The following PCDHGA2 variants were observed in gnomAD, a reference collection of about 807,000 sequenced individuals.
The protein encoded by PCDHGA2 is protocadherin gamma subfamily A, 2.
In PCDHGA2, 40 loss-of-function variants were observed where a neutral mutation model predicts 59.2. The observed-to-expected ratio is 0.68, with a 90% CI of 0.52 to 0.88. The LOEUF (loss-of-function observed/expected upper bound fraction) is 0.88, where lower values mean the gene tolerates loss of function less well. PCDHGA2 is among the 40% of genes least tolerant of loss of function. The probability of loss-of-function intolerance (pLI) is 0.00; values close to 1 mark genes in which losing one functional copy is unlikely to be tolerated. For missense variants in PCDHGA2, 1,226 were observed against 1,204.0 expected, an observed-to-expected ratio of 1.02 and a Z score of -0.27; for synonymous variants, 560 against 526.0, an observed-to-expected ratio of 1.06 and a Z score of -0.89.
chr5:141,481,835 C>T (rs892868552), intron 1 of PCDHGA2, among the ~76,000 whole-genome samples: 5 of 149,932 alleles, frequency 3.3e-5, no homozygotes, highest in Non-Finnish European at 7.4e-5. Flanking sequence ...GCAGGAGAAT[C>T]GCTTGATGGT....
At position 141,339,015 on chromosome 5, in the gene PCDHGA2, T is replaced by C. The variant is rs748669005; in HGVS notation, c.44T>C (p.Leu15Pro). The change falls in exon 1 of 4, where the codon CTG becomes CCG. Residue 15 changes from leucine to proline, a missense_variant. By Grantham distance (98) the Leu-to-Pro change is moderately conservative. Transcript: ENST00000394576. ...QKLPHCRKLV[L>P]LCFLLATLWE... ...TTGCCACACTGCAGAAAGCTGGTCC[T>C]GCTGTGCTTCCTTTTGGCGACCCTG... 5 of 1,586,498 alleles carry C rather than the reference T, an allele frequency of 3.2e-6. No individual in the cohort carries two copies. Among genetic ancestry groups the C allele is most frequent in the East Asian group, 2.3e-5 (1 of 44,360 alleles).
chr5:141,352,242 C>T (rs1428205327), intron 1 of PCDHGA2: 1 of 1,614,092 alleles, frequency 6.2e-7, no homozygotes, highest in Admixed American at 1.7e-5. Flanking sequence ...CTAATCTTCG[C>T]GGATAGCCTG....
At chr5:141,393,970 C>T (rs746781669) in intron 1 of PCDHGA2, 5 of 1,613,870 alleles carry the variant, frequency 3.1e-6, no homozygotes, top group Middle Eastern at 3.3e-4. Flanking sequence ...GTCTGTTACA[C>T]ACGTGATAAT....
At position 141,438,591 on chromosome 5, in the gene PCDHGA2, CATATATATATATAT is replaced by C. The variant is rs946798767; in HGVS notation, c.2425-56184_2425-56171del. Among the ~76,000 whole-genome samples the C allele has an allele frequency of 7.9e-5, 6 of 75,562 alleles. No individual in the cohort carries two copies. The East Asian group carries it at 1.7e-3, about 22-fold the overall frequency. 49.6% of individuals were successfully genotyped at this position (75,562 alleles called of 152,430 possible). On this transcript the variant is annotated intron_variant, in intron 1 of 3. Transcript: ENST00000394576. ...TCTGATATACATACATACATACATA[CATATATATATATAT>C]ATATATATATATATATATATATATA...
intron 1 of PCDHGA2, chr5:141,421,230 G>T: frequency 6.3e-7 from 1 of 1,590,132 alleles, no homozygotes. Context: ...AGCCTGCCAT[G>T]GCGAATCGGC....
At chr5:141,348,930 T>A (rs945708240) in intron 1 of PCDHGA2, among the ~76,000 whole-genome samples, 1 of 152,238 alleles carries the variant, frequency 6.6e-6, no homozygotes, top group Non-Finnish European at 1.5e-5. Context: ...GAACCAAGAC[T>A]GGTTCTAAGC....
rs556498014 is a variant in PCDHGA2, at chr5:141,368,537, TC to T, written c.2424+27144del. On this transcript the variant is annotated intron_variant, in intron 1 of 3. Coordinates refer to ENST00000394576, the MANE Select transcript of PCDHGA2 (RefSeq NM_018915.4). ...TCACTCCTATGTGAAAACTTGCTTT[TC>T]CATTTTTTTTAAAAGAAAATGTTAT... Among the ~76,000 whole-genome samples the T allele has an allele frequency of 2.0e-3, 312 of 152,342 alleles. 1 individual carries two copies. Among genetic ancestry groups the T allele is most frequent in the Middle Eastern group, 0.01 (3 of 294 alleles).
At chr5:141,374,635 C>T (rs759050511) in intron 1 of PCDHGA2, 1 of 1,613,044 alleles carries the variant, frequency 6.2e-7, no homozygotes, top group Non-Finnish European at 8.5e-7. Flanking sequence ...ACGTGCAAAG[C>T]GAAGCCCATG....
At chr5:141,388,376 C>T in intron 1 of PCDHGA2, 3 of 1,613,944 alleles carry the variant, frequency 1.9e-6, no homozygotes, top group Non-Finnish European at 2.5e-6. Context: ...ATATTGGTAG[C>T]AACACACTGC....
At chr5:141,389,603 C>T (rs1166074538) in intron 1 of PCDHGA2, 2 of 1,613,148 alleles carry the variant, frequency 1.2e-6, no homozygotes, top group Admixed American at 1.7e-5. Context: ...CTGCGCTCTT[C>T]GATATGGTGC....
chr5:141,372,063 G>T, intron 1 of PCDHGA2: 2 of 1,613,548 alleles, frequency 1.2e-6, no homozygotes. Context: ...CGACCGCAAC[G>T]ACAATGCACC....
At chr5:141,469,896 C>T (rs934040636) in intron 1 of PCDHGA2, among the ~76,000 whole-genome samples, 4 of 152,074 alleles carry the variant, frequency 2.6e-5, no homozygotes, top group Admixed American at 6.5e-5. Context: ...TTTGGGAAGC[C>T]GAGGCAGGCA....
chr5:141,427,491 G>A (rs1158414276), intron 1 of PCDHGA2: 1 of 553,626 alleles, frequency 1.8e-6, no homozygotes, highest in Non-Finnish European at 3.4e-6. Context: ...CTATAAGCTT[G>A]TAACAGATGG....
chr5:141,388,778 A>G, intron 1 of PCDHGA2: 1 of 1,613,944 alleles, frequency 6.2e-7, no homozygotes, highest in Non-Finnish European at 8.5e-7. Flanking sequence ...ACACCGGGGA[A>G]ATTACTGTTT....
At position 141,484,105 on chromosome 5, in the gene PCDHGA2, A is replaced by G. The variant is rs548687877; in HGVS notation, c.2425-10702A>G. On this transcript the variant is annotated intron_variant, in intron 1 of 3. Coordinates refer to ENST00000394576, the MANE Select transcript of PCDHGA2 (RefSeq NM_018915.4). Reference sequence around the variant, plus strand: ...GAAATGGTCTTCGTTGGTAATTAACAAAAGATCAAGAATACCTTGGTGTCA... The same window carrying G: ...GAAATGGTCTTCGTTGGTAATTAACGAAAGATCAAGAATACCTTGGTGTCA... Among the ~76,000 whole-genome samples, 3 of 152,316 alleles carry G rather than the reference A, an allele frequency of 2.0e-5. No individual in the cohort carries two copies. In the South Asian group the frequency reaches 6.2e-4, roughly 32 times the overall value.
intron 1 of PCDHGA2, chr5:141,352,796 C>T: frequency 1.0e-6 from 1 of 954,356 alleles, no homozygotes; most frequent in Non-Finnish European, 1.5e-6. Context: ...TTGAGACCAG[C>T]ATAGCCAAGA....
At chr5:141,382,189 A>G (rs1588915821) in intron 1 of PCDHGA2, among the ~76,000 whole-genome samples, 1 of 152,174 alleles carries the variant, frequency 6.6e-6, no homozygotes, top group African/African-American at 2.4e-5. Flanking sequence ...GGTTCTATAC[A>G]ATCAAAAATT....
rs1756951187 is a variant in PCDHGA2 at position 141,340,506 on chromosome 5, G to C, written c.1535G>C (p.Gly512Ala). 1 of 1,614,224 alleles carries C rather than the reference G, an allele frequency of 6.2e-7. No individual in the cohort carries two copies. The highest frequency in any genetic ancestry group is 2.2e-5 in the East Asian group (1 of 44,880). ...TACATCTCTATCAACTCCGACACTG[G>C]AGTACTCTATGCACTGCGCTCCTTT... ...SSYISINSDT[G>A]VLYALRSFDY... The change falls in exon 1 of 4, where the codon GGA becomes GCA. Residue 512 changes from glycine to alanine, a missense_variant. Physicochemically the swap from Gly to Ala is moderately conservative, Grantham distance 60. Coordinates refer to ENST00000394576, the MANE Select transcript of PCDHGA2 (RefSeq NM_018915.4).
chr5:141,431,681 G>A lies in PCDHGA2; in HGVS notation c.2425-63126G>A. The A allele has an allele frequency of 6.2e-7, 1 of 1,614,214 alleles. No homozygotes were observed. The highest frequency in any genetic ancestry group is 1.1e-5 in the South Asian group (1 of 91,086). ...GACAATATCAACAATAGGGGAGTTG[G>A]ACCACGAGGAGTCAGGATTCTACCA... On this transcript the variant is annotated intron_variant, in intron 1 of 3. Coordinates refer to ENST00000394576, the MANE Select transcript of PCDHGA2 (RefSeq NM_018915.4). This position sits in a 1 kb window ranked among gnomAD's most constrained non-coding sequence, Gnocchi z 4.8.
Sources: gnomAD v4.1 joint callset for allele counts (sites outside exome capture counted in the v4.1 genomes callset) on GRCh38, gnomAD v4.1.1 for gene constraint, Gnocchi (gnomAD v3.1) non-coding constraint, MANE v1.5 for transcripts, NCBI Gene and HGNC (gene_info 2026-07-23, HGNC 2026-07-21) for gene names.